The following SHISAL2A variants were observed in gnomAD, a reference collection of about 807,000 sequenced individuals.
SHISAL2A encodes the protein protein shisa-like-2A.
A neutral mutation model predicts 11.5 loss-of-function variants in SHISAL2A; 18 were observed. That is an observed-to-expected ratio of 1.57 (90% confidence interval 1.08 to 2.33). The LOEUF is 2.33. Among genes scored for constraint, SHISAL2A ranks in the 30% most tolerant of loss-of-function variants. The pLI, the probability that SHISAL2A is intolerant of heterozygous loss-of-function variation, is 0.00. For synonymous variants in SHISAL2A, 94 were observed against 99.6 expected (o/e 0.94, Z 0.34); for missense variants, 261 against 250.9 (o/e 1.04, Z -0.27).
chr1:52,654,975 G>C (rs1691758481), intron 2 of SHISAL2A, among the ~76,000 whole-genome samples: 1 of 152,122 alleles, frequency 6.6e-6, no homozygotes, highest in African/African-American at 2.4e-5. Context: ...TTGAGGTCAG[G>C]AGTTCAAGAC....
intron 2 of SHISAL2A, among the ~76,000 whole-genome samples, chr1:52,653,744 G>C (rs1482116417): frequency 1.3e-5 from 2 of 151,840 alleles, no homozygotes; most frequent in African/African-American, 4.8e-5. Flanking sequence ...ATTGCAACCC[G>C]CCCTTTTTTT....
chr1:52,635,334 TCAAATCCACAC>T (rs1691215399), intron 1 of SHISAL2A, among the ~76,000 whole-genome samples: 1 of 152,112 alleles, frequency 6.6e-6, no homozygotes, highest in Non-Finnish European at 1.5e-5. Flanking sequence ...GACATAATTC[TCAAATCCACAC>T]CCTCATTCCC....
At chr1:52,667,757 C>T (rs1558097426) in intron 5 of SHISAL2A, 2 of 152,172 alleles carry the variant, frequency 1.3e-5, no homozygotes, top group Non-Finnish European at 1.5e-5. Flanking sequence ...GGACATACAG[C>T]ATTTGACATA....
At position 52,633,798 on chromosome 1, in the gene SHISAL2A, C is replaced by A; in HGVS notation, c.182+123C>A. The A allele has an allele frequency of 2.7e-6, 2 of 732,866 alleles. No individual in the cohort carries two copies. The highest frequency in any genetic ancestry group is 4.5e-6 in the Non-Finnish European group (2 of 445,556). 45.4% of individuals were successfully genotyped at this position (732,866 alleles called of 1,614,324 possible). On this transcript the variant is annotated intron_variant, in intron 1 of 2. Coordinates refer to ENST00000517870, the MANE Select transcript of SHISAL2A (RefSeq NM_001042693.3). This position sits in a 1 kb window ranked among gnomAD's most constrained non-coding sequence, Gnocchi z 6.4. ...GCAGCAAGCTCTAGTCCTTACCGTC[C>A]TCATGCCCACAGCATCAACCACCCC...
chr1:52,642,365 A>T (rs531727269), intron 1 of SHISAL2A, among the ~76,000 whole-genome samples: 42 of 151,912 alleles, frequency 2.8e-4, no homozygotes, highest in Non-Finnish European at 5.0e-4. Context: ...AAGCATAGAA[A>T]GCTTGTTTAA....
chr1:52,659,933 A>C (rs1411864880), downstream of SHISAL2A, among the ~76,000 whole-genome samples: 1 of 152,148 alleles, frequency 6.6e-6, no homozygotes, highest in Non-Finnish European at 1.5e-5. Flanking sequence ...CAAACGCTAA[A>C]GTGGTCATCC....
intron 4 of SHISAL2A, among the ~76,000 whole-genome samples, chr1:52,662,511 ATTTTTTTT>A (rs547508025): frequency 7.3e-6 from 1 of 137,678 alleles, no homozygotes; most frequent in Non-Finnish European, 1.6e-5. Context: ...TGCCCGGCTA[ATTTTTTTT>A]TTTTTTTTTT....
At chr1:52,654,951 G>C (rs919571430) in intron 2 of SHISAL2A, among the ~76,000 whole-genome samples, 2 of 152,174 alleles carry the variant, frequency 1.3e-5, no homozygotes, top group Non-Finnish European at 2.9e-5. Flanking sequence ...GGGAGGCCCA[G>C]GTGGGTGGAT....
intron 4 of SHISAL2A, among the ~76,000 whole-genome samples, chr1:52,663,722 T>C (rs1371465681): frequency 2.0e-5 from 3 of 152,186 alleles, no homozygotes; most frequent in Middle Eastern, 3.4e-3. Flanking sequence ...GACTGCATCA[T>C]TGCATTCCAG....
chr1:52,646,405 A>G (rs1014716141), intron 2 of SHISAL2A, among the ~76,000 whole-genome samples: 1 of 152,152 alleles, frequency 6.6e-6, no homozygotes, highest in Non-Finnish European at 1.5e-5. Context: ...AAATGTCCCT[A>G]CATCAAGTAC....
At chr1:52,635,278 A>G (rs139062748) in intron 1 of SHISAL2A, among the ~76,000 whole-genome samples, 298 of 152,338 alleles carry the variant, frequency 2.0e-3, no homozygotes, top group African/African-American at 7.0e-3. Context: ...GTTTTGCAGC[A>G]AAGAAAGAGT....
intron 2 of SHISAL2A, among the ~76,000 whole-genome samples, chr1:52,656,321 A>T (rs1005329591): frequency 6.6e-6 from 1 of 152,218 alleles, no homozygotes; most frequent in African/African-American, 2.4e-5. Context: ...GTAGAGAATA[A>T]TAAGGCCAAG....
Position 52,633,451 on chromosome 1 carries a change from C to A in SHISAL2A, c.-43C>A. ...GCTTCCCCGCCGGGCTCTAGCCGGC[C>A]GTCTGGTGGCCCGAGGTGGCGGCGG... On this transcript the variant is annotated 5_prime_UTR_variant, in exon 1 of 3. Coordinates refer to ENST00000517870, the MANE Select transcript of SHISAL2A (RefSeq NM_001042693.3). This position sits in a 1 kb window ranked among gnomAD's most constrained non-coding sequence, Gnocchi z 6.4. 1.4e-6 allele frequency: 2 copies of A among 1,429,508 alleles called. No individual in the cohort carries two copies. The highest frequency in any genetic ancestry group is 1.8e-6 in the Non-Finnish European group (2 of 1,100,528). The allele number at this position is 1,429,508 out of a possible 1,614,324, so 88.6% of individuals were successfully genotyped here.
downstream of SHISAL2A, chr1:52,659,496 G>A (rs1691864350): frequency 6.5e-6 from 1 of 152,822 alleles, no homozygotes; most frequent in African/African-American, 2.4e-5. Context: ...ATGGCCAGGA[G>A]GCCCAGTGGT....
rs1011994066 is a variant in SHISAL2A, at chr1:52,633,390, C to A, written c.-104C>A. 4 of 1,046,782 alleles carry A rather than the reference C, an allele frequency of 3.8e-6. No homozygotes were observed. The African/African-American group carries it at 6.8e-5, about 18-fold the overall frequency. The allele number at this position is 1,046,782 out of a possible 1,614,324, so 64.8% of individuals were successfully genotyped here. A position where few individuals can be genotyped will look rare whatever the true frequency, so the allele number is the denominator to read the frequency against. On this transcript the variant is annotated 5_prime_UTR_variant, in exon 1 of 3. Coordinates refer to ENST00000517870, the MANE Select transcript of SHISAL2A (RefSeq NM_001042693.3). The surrounding 1 kb of genome is among the most constrained non-coding windows in gnomAD (Gnocchi z 6.4). ...GGCCCCTGGGTCTCTTCGTCTCTGC[C>A]GTTCTCAGGCTCAGCTCCGTCTCGC...
At chr1:52,635,011 C>T (rs973378425) in intron 1 of SHISAL2A, among the ~76,000 whole-genome samples, 2 of 152,184 alleles carry the variant, frequency 1.3e-5, no homozygotes, top group African/African-American at 4.8e-5. Context: ...GCCAGGTTAT[C>T]AGATCCTACA....
At chr1:52,648,632 C>T (rs1398115474) in intron 2 of SHISAL2A, among the ~76,000 whole-genome samples, 1 of 152,132 alleles carries the variant, frequency 6.6e-6, no homozygotes, top group Non-Finnish European at 1.5e-5. Context: ...TGAGGTAGGT[C>T]TCATTATAAC....
intron 2 of SHISAL2A, among the ~76,000 whole-genome samples, chr1:52,650,645 T>C (rs2149885520): frequency 7.4e-6 from 1 of 135,824 alleles, no homozygotes; most frequent in South Asian, 2.4e-4. Context: ...TTAAAACCCT[T>C]TTTTTTTTTT....
rs375951545 is a variant in SHISAL2A, at chr1:52,633,810, G to A, written c.182+135G>A. 12 of 661,206 alleles carry A rather than the reference G, an allele frequency of 1.8e-5. No individual in the cohort carries two copies. Among genetic ancestry groups the A allele is most frequent in the African/African-American group, 1.6e-4 (8 of 51,290 alleles). The allele number at this position is 661,206 out of a possible 1,614,324, so 41.0% of individuals were successfully genotyped here. A position where few individuals can be genotyped will look rare whatever the true frequency, so the allele number is the denominator to read the frequency against. ...AGTCCTTACCGTCCTCATGCCCACA[G>A]CATCAACCACCCCGTGAAACCCCAT... On this transcript the variant is annotated intron_variant, in intron 1 of 2. Coordinates refer to ENST00000517870, the MANE Select transcript of SHISAL2A (RefSeq NM_001042693.3). The surrounding 1 kb of genome is among the most constrained non-coding windows in gnomAD (Gnocchi z 6.4).
Sources: allele counts gnomAD v4.1 joint callset (sites outside exome capture counted in the v4.1 genomes callset), GRCh38; gene constraint gnomAD v4.1.1; non-coding constraint Gnocchi (gnomAD v3.1); transcripts MANE v1.5; gene names NCBI Gene and HGNC (gene_info 2026-07-23, HGNC 2026-07-21).